KSR2: variants seen among roughly 807,000 people sequenced by gnomAD.
The protein encoded by KSR2 is kinase suppressor of ras 2.
Under a neutral mutation model 107.8 loss-of-function variants are expected in KSR2, and 25 were observed. The ratio of observed to expected loss-of-function variants is 0.23; its 90% CI spans 0.17 to 0.32. KSR2 has a LOEUF of 0.32. KSR2 is among the 10% of genes least tolerant of loss of function. KSR2 has a pLI of 1.00. For synonymous variants in KSR2, 480 were observed against 507.0 expected (o/e 0.95, Z 0.71); for missense variants, 887 against 1,268.9 (o/e 0.70, Z 4.57).
At chr12:117,885,614 A>T (rs756198956) in intron 1 of KSR2, among the ~76,000 whole-genome samples, 7 of 145,698 alleles carry the variant, frequency 4.8e-5, no homozygotes, top group Non-Finnish European at 7.5e-5. Context: ...ATAATTATAT[A>T]TGTGTATTAT....
intron 3 of KSR2, among the ~76,000 whole-genome samples, chr12:117,796,411 C>A (rs979192395): frequency 3.3e-5 from 5 of 152,270 alleles, no homozygotes; most frequent in Admixed American, 2.0e-4. Flanking sequence ...GGTAAAAAAA[C>A]AAGTTGTCAT....
intron 4 of KSR2, among the ~76,000 whole-genome samples, chr12:117,737,206 A>T (rs1360935381): frequency 6.6e-6 from 1 of 152,204 alleles, no homozygotes; most frequent in Non-Finnish European, 1.5e-5. Flanking sequence ...CATCATATAC[A>T]TTTCCATCAC....
At chr12:117,667,909 C>T (rs1252234616) in intron 4 of KSR2, among the ~76,000 whole-genome samples, 1 of 152,042 alleles carries the variant, frequency 6.6e-6, no homozygotes, top group South Asian at 2.1e-4. Context: ...TCTTTTTTGC[C>T]CAGCTCCCTA....
At chr12:117,538,353 T>C (rs1445470773) in intron 10 of KSR2, among the ~76,000 whole-genome samples, 2 of 152,186 alleles carry the variant, frequency 1.3e-5, no homozygotes, top group Non-Finnish European at 2.9e-5. Context: ...ATTCAAAATA[T>C]GTGCCATCTC....
intron 4 of KSR2, among the ~76,000 whole-genome samples, chr12:117,751,077 G>C (rs925708669): frequency 6.6e-6 from 1 of 152,176 alleles, no homozygotes; most frequent in Middle Eastern, 3.2e-3. Context: ...ACCAGGTGCA[G>C]ATAAATGAAT....
intron 5 of KSR2, among the ~76,000 whole-genome samples, chr12:117,594,627 T>A (rs1373121155): frequency 6.6e-6 from 1 of 152,094 alleles, no homozygotes; most frequent in Non-Finnish European, 1.5e-5. Flanking sequence ...CCATGGTTTA[T>A]CAGTGAGAGG....
intron 3 of KSR2, among the ~76,000 whole-genome samples, chr12:117,840,105 A>ATT (rs71099081): frequency 1.1e-3 from 166 of 147,100 alleles, no homozygotes; most frequent in Admixed American, 4.5e-3. Flanking sequence ...ATTTTATTTT[A>ATT]TTTTTTTTTT....
chr12:117,590,576 C>T (rs1880260695), intron 5 of KSR2, among the ~76,000 whole-genome samples: 1 of 152,186 alleles, frequency 6.6e-6, no homozygotes, highest in African/African-American at 2.4e-5. Context: ...TCACTGTCAT[C>T]ATCACTCTGC....
At chr12:117,661,921 G>A (rs185319657) in intron 5 of KSR2, among the ~76,000 whole-genome samples, 4 of 152,328 alleles carry the variant, frequency 2.6e-5, no homozygotes, top group African/African-American at 9.6e-5. Flanking sequence ...TTTAGGAACT[G>A]TTCTGTAGCA....
intron 1 of KSR2, among the ~76,000 whole-genome samples, chr12:117,931,365 G>A (rs1176294596): frequency 6.6e-6 from 1 of 152,172 alleles, no homozygotes; most frequent in African/African-American, 2.4e-5. Context: ...GATGAGAATA[G>A]TTAGGGACCA....
chr12:117,546,460 C>T (rs114632988), intron 9 of KSR2, among the ~76,000 whole-genome samples: 3 of 152,116 alleles, frequency 2.0e-5, no homozygotes, highest in African/African-American at 7.2e-5. Flanking sequence ...TTTGAATTGA[C>T]CTTCTTTGAC....
At chr12:117,870,493 G>C (rs573615471) in intron 1 of KSR2, among the ~76,000 whole-genome samples, 4 of 152,068 alleles carry the variant, frequency 2.6e-5, no homozygotes. Context: ...CCAGCTACTC[G>C]GGAGGCTGAG....
At chr12:117,732,126 C>T (rs1887750874) in intron 4 of KSR2, among the ~76,000 whole-genome samples, 2 of 152,032 alleles carry the variant, frequency 1.3e-5, no homozygotes, top group Admixed American at 1.3e-4. Flanking sequence ...AGGTGCATCC[C>T]ACCCTGAGTT....
chr12:117,672,951 A>G (rs1474657821), intron 4 of KSR2, among the ~76,000 whole-genome samples: 1 of 152,092 alleles, frequency 6.6e-6, no homozygotes. Flanking sequence ...CTTTCAATCC[A>G]CCATGGCCCT....
At chr12:117,703,274 A>G (rs1018458605) in intron 4 of KSR2, among the ~76,000 whole-genome samples, 7 of 152,216 alleles carry the variant, frequency 4.6e-5, no homozygotes, top group African/African-American at 1.7e-4. Flanking sequence ...TGTCCACTCA[A>G]CAAATACTGA....
At chr12:117,689,696 G>A (rs1385082541) in intron 4 of KSR2, among the ~76,000 whole-genome samples, 1 of 146,162 alleles carries the variant, frequency 6.8e-6, no homozygotes, top group Non-Finnish European at 1.5e-5. Flanking sequence ...AACACATATA[G>A]TATGACCGTA....
At chr12:117,551,760 GA>G (rs1877328866) in intron 9 of KSR2, among the ~76,000 whole-genome samples, 1 of 152,106 alleles carries the variant, frequency 6.6e-6, no homozygotes, top group African/African-American at 2.4e-5. Flanking sequence ...GGAAAGAGGG[GA>G]AAAAATAACG....
chr12:117,718,844 A>G (rs1887100698), intron 4 of KSR2, among the ~76,000 whole-genome samples: 1 of 152,124 alleles, frequency 6.6e-6, no homozygotes, highest in Admixed American at 6.5e-5. Context: ...GATCCCCGCT[A>G]TGTCCCCTCT....
intron 1 of KSR2, among the ~76,000 whole-genome samples, chr12:117,883,053 C>T (rs1188310429): frequency 3.9e-5 from 6 of 152,016 alleles, no homozygotes; most frequent in Non-Finnish European, 7.4e-5. Flanking sequence ...CTCTCCCTCC[C>T]TCCCTCCATT....
Sources: gnomAD v4.1 joint callset for allele counts (sites outside exome capture counted in the v4.1 genomes callset) on GRCh38, gnomAD v4.1.1 for gene constraint, MANE v1.5 for transcripts, NCBI Gene and HGNC (gene_info 2026-07-23, HGNC 2026-07-21) for gene names.